Variants in DMD observed in about 807,000 individuals in gnomAD.
The protein encoded by DMD is dystrophin.
DMD carries 63 observed loss-of-function variants against 330.1 expected under a neutral mutation model. The observed-to-expected ratio is 0.19, with a 90% CI of 0.16 to 0.24. The LOEUF (loss-of-function observed/expected upper bound fraction) is 0.24, where lower values mean the gene tolerates loss of function less well. Ranked by LOEUF, DMD falls within the 10% of genes least tolerant of loss-of-function variation. The pLI, the probability that DMD is intolerant of heterozygous loss-of-function variation, is 1.00. For synonymous variants in DMD, 1,223 were observed against 959.8 expected (o/e 1.27, Z -5.07); for missense variants, 3,344 against 2,684.1 (o/e 1.25, Z -5.43).
intron 63 of DMD, among the ~76,000 whole-genome samples, chrX:31,245,490 T>C (rs1275911749): frequency 8.9e-6 from 1 of 111,911 alleles, no homozygotes; most frequent in Non-Finnish European, 1.9e-5. Flanking sequence ...TACAGGCTCA[T>C]CTCATTAAAT....
intron 60 of DMD, among the ~76,000 whole-genome samples, chrX:31,382,972 T>C (rs1294487120): frequency 1.8e-5 from 2 of 112,361 alleles, no homozygotes; most frequent in East Asian, 2.8e-4. Flanking sequence ...CCTACACATA[T>C]ACATCCAGAT....
intron 41 of DMD, among the ~76,000 whole-genome samples, chrX:32,331,086 C>T (rs751850701): frequency 1.2e-4 from 13 of 111,670 alleles, no homozygotes; most frequent in African/African-American, 3.6e-4. Flanking sequence ...CCTTTTTAGG[C>T]TATCATAAGG....
At chrX:31,895,545 T>C (rs2094320045) in intron 47 of DMD, among the ~76,000 whole-genome samples, 1 of 111,796 alleles carries the variant, frequency 8.9e-6, no homozygotes. Context: ...ACCAGCTGAA[T>C]ATGATTTGAA....
intron 1 of DMD, among the ~76,000 whole-genome samples, chrX:33,228,948 T>C (rs1194270755): frequency 3.6e-5 from 4 of 111,068 alleles, no homozygotes; most frequent in Non-Finnish European, 5.7e-5. Flanking sequence ...GTGGTTTCAA[T>C]TTATATTTGC....
intron 2 of DMD, among the ~76,000 whole-genome samples, chrX:32,975,346 CTTTTTTTTTTT>C (rs35180404): frequency 2.2e-4 from 14 of 64,773 alleles, no homozygotes; most frequent in African/African-American, 7.5e-4. Context: ...TTAAAAAATG[CTTTTTTTTTTT>C]TTTTTTTTTT....
intron 7 of DMD, among the ~76,000 whole-genome samples, chrX:32,808,963 C>A (rs2077147565): frequency 8.9e-6 from 1 of 112,176 alleles, no homozygotes; most frequent in South Asian, 3.7e-4. Context: ...TATAAATACA[C>A]TTCTGCCTAT....
intron 55 of DMD, among the ~76,000 whole-genome samples, chrX:31,519,840 T>C (rs894677955): frequency 8.9e-6 from 1 of 112,260 alleles, no homozygotes; most frequent in Non-Finnish European, 1.9e-5. Flanking sequence ...TAATTGGATC[T>C]GATTCTCTGG....
intron 11 of DMD, among the ~76,000 whole-genome samples, chrX:32,628,339 G>A (rs1049005304): frequency 1.5e-5 from 1 of 67,554 alleles, no homozygotes; most frequent in East Asian, 5.3e-4. Flanking sequence ...TTGTTTTTCT[G>A]TGCCGGGCTT....
chrX:32,008,181 C>T (rs1056499015), intron 44 of DMD, among the ~76,000 whole-genome samples: 6 of 110,946 alleles, frequency 5.4e-5, no homozygotes, highest in African/African-American at 2.0e-4. Context: ...TATAGATGTG[C>T]TCTCCTCAAA....
rs753426129 is a variant in DMD, at chrX:32,287,664, A to T, written c.6155T>A (p.Ile2052Asn). Residue 2052 changes from isoleucine (I) to asparagine (N), a missense_variant, in exon 43 of 79, where the codon ATT becomes AAT. Ile to Asn is a moderately radical substitution (Grantham distance 149, BLOSUM62 -3). Coordinates refer to ENST00000357033, the MANE Select transcript of DMD (RefSeq NM_004006.3). ...KDSLQQSSGR[I>N]DIIHSKKTAA... ...TGTCTTCTTGCTATGAATAATGTCA[A>T]TCCGACCTGAGCTTTGTTGTAGACT... 2.5e-6 allele frequency: 3 copies of T among 1,209,338 alleles called. No individual in the cohort carries two copies. Among genetic ancestry groups the T allele is most frequent in the Middle Eastern group, 2.3e-4 (1 of 4,349 alleles).
intron 7 of DMD, among the ~76,000 whole-genome samples, chrX:32,741,203 AAATGTACT>A (rs2069219058): frequency 9.0e-6 from 1 of 111,466 alleles, no homozygotes; most frequent in Admixed American, 9.6e-5. Flanking sequence ...TATTGCCACT[AAATGTACT>A]TCCATTTTAC....
chrX:32,320,670 A>C (rs1251780015), intron 41 of DMD, among the ~76,000 whole-genome samples: 1 of 111,954 alleles, frequency 8.9e-6, no homozygotes, highest in African/African-American at 3.2e-5. Context: ...CTAGTACTTA[A>C]TGTGGTTAAA....
At chrX:31,409,026 AC>A (rs1296946586) in intron 60 of DMD, among the ~76,000 whole-genome samples, 3 of 110,952 alleles carry the variant, frequency 2.7e-5, no homozygotes. Context: ...ATGAGTGAGA[AC>A]ATGGGGTGTT....
rs1386281332 is a variant in DMD, at chrX:32,533,097, A to T, written c.2168+12062T>A. ...TATTTACTCTCTGGCCCTTTAGAGA[A>T]AACTTTTCTTTCCCCCTTCCCAGTC... On this transcript the variant is annotated intron_variant, in intron 17 of 78. Coordinates refer to ENST00000357033, the MANE Select transcript of DMD (RefSeq NM_004006.3). 1.5e-4 allele frequency among the ~76,000 whole-genome samples: 17 copies of T among 111,233 alleles called. No homozygotes were observed. In the Admixed American group the frequency reaches 1.6e-3, roughly 11 times the overall value.
chrX:31,878,796 A>G (rs763535453), intron 47 of DMD, among the ~76,000 whole-genome samples: 25 of 112,329 alleles, frequency 2.2e-4, no homozygotes, highest in Non-Finnish European at 2.8e-4. Context: ...GAGAGAAATG[A>G]AAATTAGAGC....
intron 41 of DMD, among the ~76,000 whole-genome samples, chrX:32,316,851 A>G (rs1172949180): frequency 9.0e-6 from 1 of 111,194 alleles, no homozygotes; most frequent in Non-Finnish European, 1.9e-5. Context: ...TGACACAGTC[A>G]TGCGAATCTA....
chrX:32,487,553 A>G (rs1398098089), intron 20 of DMD, among the ~76,000 whole-genome samples: 1 of 111,631 alleles, frequency 9.0e-6, no homozygotes, highest in Non-Finnish European at 1.9e-5. Context: ...GGAGGCATTC[A>G]TACTCTTTGG....
chrX:32,225,016 C>T (rs2097142902), intron 43 of DMD, among the ~76,000 whole-genome samples: 1 of 112,065 alleles, frequency 8.9e-6, no homozygotes, highest in South Asian at 3.7e-4. Flanking sequence ...ATAGGGGACT[C>T]TTCTACTGTG....
intron 7 of DMD, among the ~76,000 whole-genome samples, chrX:32,711,458 A>G (rs1416476584): frequency 9.0e-6 from 1 of 111,287 alleles, no homozygotes; most frequent in Non-Finnish European, 1.9e-5. Context: ...TCTTATCTCA[A>G]TGGGAACGTG....
Sources: allele counts gnomAD v4.1 joint callset (sites outside exome capture counted in the v4.1 genomes callset), GRCh38; gene constraint gnomAD v4.1.1; transcripts MANE v1.5; gene names NCBI Gene and HGNC (gene_info 2026-07-23, HGNC 2026-07-21).